The following GNAS-AS1 variants were observed in gnomAD, a reference collection of about 807,000 sequenced individuals.
The protein encoded by GNAS-AS1 is GNAS antisense RNA 1 (non-protein coding).
At position 58,841,334 on chromosome 20, in the gene GNAS-AS1, G is replaced by C; in HGVS notation, n.819+603C>G. 1 of 1,059,894 alleles carries C rather than the reference G, an allele frequency of 9.4e-7. No homozygotes were observed. The highest frequency in any genetic ancestry group is 1.1e-6 in the Non-Finnish European group (1 of 876,042). The allele number at this position is 1,059,894 out of a possible 1,614,324, so 65.7% of individuals were successfully genotyped here. On this transcript the variant is annotated intron_variant and non_coding_transcript_variant, in intron 4 of 4. Transcript: ENST00000424094. This position sits in a 1 kb window ranked among gnomAD's most constrained non-coding sequence, Gnocchi z 5.0. ...CGGAGGTGCGCGCGCCAACTTTCACGATGTGAGAGCAGCCGCGCTGTAGAG... is the reference window on the plus strand; with the variant it reads ...CGGAGGTGCGCGCGCCAACTTTCACCATGTGAGAGCAGCCGCGCTGTAGAG...
intron 2 of GNAS-AS1, among the ~76,000 whole-genome samples, chr20:58,844,683 T>TG (rs2085875468): frequency 3.1e-5 from 2 of 64,826 alleles, no homozygotes; most frequent in East Asian, 1.2e-3. Flanking sequence ...TCTACACTAG[T>TG]GATTTAACCC....
intron 4 of GNAS-AS1, among the ~76,000 whole-genome samples, chr20:58,833,222 C>T (rs936757982): frequency 3.3e-5 from 5 of 152,340 alleles, no homozygotes; most frequent in Middle Eastern, 3.4e-3. Context: ...TTTGGAAAAC[C>T]GGAAAGTCTT....
chr20:58,826,036 G>C (rs1049721150), intron 4 of GNAS-AS1: 14 of 398,622 alleles, frequency 3.5e-5, no homozygotes, highest in Non-Finnish European at 5.8e-5. Context: ...TTTAGACGAT[G>C]ACTTCAGCGA....
intron 4 of GNAS-AS1, chr20:58,839,085 A>G (rs6064714): frequency 0.13 from 50,523 of 398,438 alleles, 3,533 homozygotes; most frequent in Non-Finnish European, 0.15. Context: ...GTCCACTTCC[A>G]GCACCACCTT....
intron 4 of GNAS-AS1, chr20:58,819,277 A>C: frequency 5.0e-6 from 2 of 398,600 alleles, no homozygotes; most frequent in Non-Finnish European, 8.8e-6. Flanking sequence ...ACAGGTTTGG[A>C]ATAAAAACAA....
chr20:58,841,201 C>T lies in GNAS-AS1; in HGVS notation n.819+736G>A. Reference sequence around the variant, plus strand: ...TCCCGAACGCACCCCAGATTTGGAGCTGCACACCCAAACGGCATTGGTAAG... The same window carrying T: ...TCCCGAACGCACCCCAGATTTGGAGTTGCACACCCAAACGGCATTGGTAAG... On this transcript the variant is annotated intron_variant and non_coding_transcript_variant, in intron 4 of 4. Coordinates refer to ENST00000424094, the Ensembl canonical transcript of GNAS-AS1. The surrounding 1 kb of genome is among the most constrained non-coding windows in gnomAD (Gnocchi z 5.0). 3.4e-6 allele frequency: 2 copies of T among 585,402 alleles called. No homozygotes were observed. The highest frequency in any genetic ancestry group is 2.6e-5 in the South Asian group (1 of 38,482). 36.3% of individuals were successfully genotyped at this position (585,402 alleles called of 1,614,324 possible).
At chr20:58,849,982 CAG>C (rs2086092262) in intron 1 of GNAS-AS1, among the ~76,000 whole-genome samples, 1 of 152,192 alleles carries the variant, frequency 6.6e-6, no homozygotes, top group Non-Finnish European at 1.5e-5. Flanking sequence ...ATGGCATCCT[CAG>C]AGAGATTCTA....
intron 4 of GNAS-AS1, chr20:58,838,916 CAAAAAAAAAAAAA>C (rs766172876): frequency 5.0e-6 from 1 of 200,360 alleles, no homozygotes; most frequent in African/African-American, 5.9e-5. Context: ...GATTCTGTCT[CAAAAAAAAAAAAA>C]AAAAAAAAAA....
chr20:58,822,599 G>T (rs2085493920), intron 4 of GNAS-AS1, among the ~76,000 whole-genome samples: 1 of 152,180 alleles, frequency 6.6e-6, no homozygotes, highest in African/African-American at 2.4e-5. Context: ...GTGAGAGCAG[G>T]CCTGGAGAGC....
chr20:58,831,200 T>G (rs1347651559), intron 4 of GNAS-AS1, among the ~76,000 whole-genome samples: 1 of 152,136 alleles, frequency 6.6e-6, no homozygotes, highest in Non-Finnish European at 1.5e-5. Flanking sequence ...AATTGGAGGT[T>G]CCTAGATTTT....
chr20:58,837,035 T>C lies in GNAS-AS1; in HGVS notation n.819+4902A>G, dbSNP rs1448302362. On this transcript the variant is annotated intron_variant and non_coding_transcript_variant, in intron 4 of 4. Coordinates refer to ENST00000424094, the Ensembl canonical transcript of GNAS-AS1. ...CAGCTCTGGGCTGCCATCTCCTTTA[T>C]AGGCATAAAAGCACTCCATCTGAAG... 6.6e-5 allele frequency among the ~76,000 whole-genome samples: 10 copies of C among 152,322 alleles called. No individual in the cohort carries two copies. The South Asian group carries it at 1.5e-3, about 22-fold the overall frequency.
chr20:58,845,275 A>G (rs922004831), intron 2 of GNAS-AS1, among the ~76,000 whole-genome samples: 1 of 152,228 alleles, frequency 6.6e-6, no homozygotes, highest in African/African-American at 2.4e-5. Context: ...AAAAAATGGT[A>G]TAGAAGCTAC....
In GNAS-AS1 at chr20:58,841,104, G is replaced by C. The variant is rs905420938; in HGVS notation, n.819+833C>G. Reference sequence around the variant, plus strand: ...GGTGGCCAAAGGCTTGTTGGACGGCGGGGCGCACGCCGTGCGTCCCGCTGG... The same window carrying C: ...GGTGGCCAAAGGCTTGTTGGACGGCCGGGCGCACGCCGTGCGTCCCGCTGG... On this transcript the variant is annotated intron_variant and non_coding_transcript_variant, in intron 4 of 4. Transcript: ENST00000424094. The surrounding 1 kb of genome is among the most constrained non-coding windows in gnomAD (Gnocchi z 5.0). Among the ~76,000 whole-genome samples the C allele has an allele frequency of 7.2e-5, 11 of 152,046 alleles. No individual in the cohort carries two copies. The highest frequency in any genetic ancestry group is 1.5e-5 in the Non-Finnish European group (1 of 68,000).
At chr20:58,844,225 T>C (rs1477087385) in intron 2 of GNAS-AS1, among the ~76,000 whole-genome samples, 1 of 152,234 alleles carries the variant, frequency 6.6e-6, no homozygotes, top group African/African-American at 2.4e-5. Flanking sequence ...CCTAACTGCT[T>C]ACCTGGAAGG....
Position 58,841,940 on chromosome 20 carries a change from T to G in GNAS-AS1, n.816A>C. The G allele has an allele frequency of 8.4e-7, 1 of 1,192,534 alleles. No individual in the cohort carries two copies. 73.9% of individuals were successfully genotyped at this position (1,192,534 alleles called of 1,614,324 possible). ...GTCTAACATCAGGATAACTTACAAT[T>G]CGTTTCCAAAGAGCGCGGTACGCGC... On this transcript the variant is annotated non_coding_transcript_exon_variant, in exon 4 of 5. Transcript: ENST00000424094. The surrounding 1 kb of genome is among the most constrained non-coding windows in gnomAD (Gnocchi z 5.0).
chr20:58,847,699 G>A (rs1329822328), intron 2 of GNAS-AS1, among the ~76,000 whole-genome samples: 3 of 152,148 alleles, frequency 2.0e-5, no homozygotes, highest in African/African-American at 7.2e-5. Context: ...AAAGGAAAAT[G>A]ACTACCAAAA....
Position 58,830,395 on chromosome 20 carries a change from CATCACT to C in GNAS-AS1, n.820-11146_820-11141del, listed in dbSNP as rs1412990215. Among the ~76,000 whole-genome samples, 124 of 141,362 alleles carry C rather than the reference CATCACT, an allele frequency of 8.8e-4. 3 individuals carry two copies. The highest frequency in any genetic ancestry group is 2.5e-3 in the African/African-American group (92 of 37,368). The allele number at this position is 141,362 out of a possible 152,430, so 92.7% of individuals were successfully genotyped here. A position where few individuals can be genotyped will look rare whatever the true frequency, so the allele number is the denominator to read the frequency against. On this transcript the variant is annotated intron_variant and non_coding_transcript_variant, in intron 4 of 4. Transcript: ENST00000424094. ...ACACCATCACCACAATCACCACCACCATCACTGCCACACCACCATCACCACCACCGC... is the reference window on the plus strand; with the variant it reads ...ACACCATCACCACAATCACCACCACCGCCACACCACCATCACCACCACCGC...
intron 4 of GNAS-AS1, among the ~76,000 whole-genome samples, chr20:58,819,693 C>T (rs1466866451): frequency 2.0e-5 from 3 of 152,166 alleles, no homozygotes; most frequent in Non-Finnish European, 4.4e-5. Context: ...AGAAAGGAGG[C>T]AGGGCTATGG....
At position 58,841,279 on chromosome 20, in the gene GNAS-AS1, T is replaced by G; in HGVS notation, n.819+658A>C. 9.5e-7 allele frequency: 1 copy of G among 1,052,082 alleles called. No individual in the cohort carries two copies. The highest frequency in any genetic ancestry group is 1.7e-5 in the African/African-American group (1 of 59,622). 65.2% of individuals were successfully genotyped at this position (1,052,082 alleles called of 1,614,324 possible). A position where few individuals can be genotyped will look rare whatever the true frequency, so the allele number is the denominator to read the frequency against. On this transcript the variant is annotated intron_variant and non_coding_transcript_variant, in intron 4 of 4. Coordinates refer to ENST00000424094, the Ensembl canonical transcript of GNAS-AS1. This position sits in a 1 kb window ranked among gnomAD's most constrained non-coding sequence, Gnocchi z 5.0. ...CCTAGAAAGACTAGTCTCAAATAAG[T>G]TGGCCTTCTCAGGTGTCCAAAATGT... is the stretch of plus-strand genomic sequence containing the variant.
Sources: allele counts gnomAD v4.1 joint callset (sites outside exome capture counted in the v4.1 genomes callset), GRCh38; gene constraint gnomAD v4.1.1; non-coding constraint Gnocchi (gnomAD v3.1); transcripts MANE v1.5; gene names NCBI Gene and HGNC (gene_info 2026-07-23, HGNC 2026-07-21).